Variants in USP44 observed in about 807,000 individuals in gnomAD.
USP44 encodes the protein ubiquitin carboxyl-terminal hydrolase 44.
In USP44, 61 loss-of-function variants were observed where a neutral mutation model predicts 69.0. The observed-to-expected ratio is 0.88, with a 90% confidence interval of 0.72 to 1.09. The LOEUF is 1.09. Among genes scored for constraint, USP44 ranks in the 50% least tolerant of loss-of-function variants. The pLI is 0.00. For synonymous variants in USP44, 297 were observed against 295.4 expected, an observed-to-expected ratio of 1.01 and a Z score of -0.06; for missense variants, 753 against 849.9, an observed-to-expected ratio of 0.89 and a Z score of 1.42.
At position 95,533,139 on chromosome 12, in the gene USP44, TC is replaced by T; in HGVS notation, c.1117del (p.Glu373SerfsTer60). ...GRKMELIQPKEPTSQYISLCH... is the reference protein window; with the variant it reads ...GRKMELIQPKXPTSQYISLCH... Reference sequence around the variant, plus strand: ...AAGAGAAATGTACTGTGAAGTTGGCTCCTTTGGCTGAATAAGTTCCATCTTT... The same window carrying T: ...AAGAGAAATGTACTGTGAAGTTGGCTCTTTGGCTGAATAAGTTCCATCTTT... On this transcript the variant is annotated frameshift_variant, in exon 2 of 6. Transcript: ENST00000258499. LOFTEE classifies it high-confidence loss of function. 1.9e-6 allele frequency: 3 copies of T among 1,614,222 alleles called. No homozygotes were observed. Among genetic ancestry groups the T allele is most frequent in the Non-Finnish European group, 2.5e-6 (3 of 1,180,044 alleles).
rs144639311 is a variant in USP44, at chr12:95,533,958, C to T, written c.299G>A (p.Arg100His). The T allele has an allele frequency of 1.6e-5, 26 of 1,614,114 alleles. No homozygotes were observed. The highest frequency in any genetic ancestry group is 1.7e-4 in the Middle Eastern group (1 of 6,060). The stretch of plus-strand genomic sequence containing the variant: ...TTGACTTTTGATGGCACTTAATGTA[C>T]GTCGTAGTAACTTCAGGTCTCCAGT... ...NTTGDLKLLR[R>H]TLSAIKSQNY... Residue 100 changes from arginine to histidine, a missense_variant, in exon 2 of 6, where the codon CGT (arginine) becomes CAT (histidine). Physicochemically the swap from Arg to His is conservative, Grantham distance 29. Transcript: ENST00000258499.
intron 3 of USP44, among the ~76,000 whole-genome samples, chr12:95,526,592 C>T (rs904425655): frequency 6.6e-6 from 1 of 151,620 alleles, no homozygotes; most frequent in African/African-American, 2.4e-5. Context: ...CAAAAAAAAA[C>T]CTTATAAATT....
intron 1 of USP44, among the ~76,000 whole-genome samples, chr12:95,536,039 C>CTTTTTTTTTTTTTTTTTTT (rs397821709): frequency 1.0e-5 from 1 of 97,530 alleles, no homozygotes; most frequent in Non-Finnish European, 2.1e-5. Context: ...CTTTTTTTTC[C>CTTTTTTTTTTTTTTTTTTT]TTTTTTTTTT....
chr12:95,534,209 A>G lies in USP44; in HGVS notation c.48T>C (p.Ala16=). Reference sequence around the variant, plus strand: ...GAGGGTTGAGGCTGGAATGGTCTTGAGCAAGCTGCAGCTGCCCAACATGTT... The same window carrying G: ...GAGGGTTGAGGCTGGAATGGTCTTGGGCAAGCTGCAGCTGCCCAACATGTT... ...TCKHVGQLQL[A]QDHSSLNPQK... is the part of the protein sequence containing the mutation. The change falls in exon 2 of 6, where the codon GCT becomes GCC. Residue 16 remains alanine, a synonymous_variant. Transcript: ENST00000258499. The G allele has an allele frequency of 6.2e-7, 1 of 1,613,960 alleles. No homozygotes were observed. The highest frequency in any genetic ancestry group is 8.5e-7 in the Non-Finnish European group (1 of 1,179,916).
intron 1 of USP44, among the ~76,000 whole-genome samples, chr12:95,545,230 A>G (rs2077532115): frequency 1.3e-5 from 2 of 152,168 alleles, no homozygotes; most frequent in South Asian, 4.1e-4. Flanking sequence ...TATAAGTACC[A>G]CTGGGCATAA....
rs1197405181 is a variant in USP44 at position 95,518,876 on chromosome 12, T to C, written c.1940-523A>G. Among the ~76,000 whole-genome samples, 3 of 151,978 alleles carry C rather than the reference T, an allele frequency of 2.0e-5. No homozygotes were observed. The East Asian group carries it at 5.8e-4, about 29-fold the overall frequency. On this transcript the variant is annotated intron_variant, in intron 5 of 5. Coordinates refer to ENST00000258499, the MANE Select transcript of USP44 (RefSeq NM_032147.5). ...ATGGCTTGAACCTGGGAGGCAGAGGTTGCAGTGAGCAAGGATGGCGCAGCT... is the reference window on the plus strand; with the variant it reads ...ATGGCTTGAACCTGGGAGGCAGAGGCTGCAGTGAGCAAGGATGGCGCAGCT...
intron 4 of USP44, 111 bp downstream of exon 4, chr12:95,524,565 CATTT>C (rs1389432893): frequency 2.0e-5 from 14 of 698,042 alleles, no homozygotes; most frequent in African/African-American, 1.6e-4. Flanking sequence ...AAAGTTAATT[CATTT>C]GTCAGAAAGG....
intron 1 of USP44, 115 bp from the exon 2 acceptor site, chr12:95,534,441 A>C (rs141034769): frequency 1.7e-5 from 10 of 579,476 alleles, no homozygotes; most frequent in African/African-American, 1.1e-4. Flanking sequence ...GCTTATCATA[A>C]TACCATTGGC....
intron 1 of USP44, among the ~76,000 whole-genome samples, chr12:95,543,491 A>G (rs2077463211): frequency 6.6e-6 from 1 of 151,932 alleles, no homozygotes. Flanking sequence ...TGTCTCTAGA[A>G]AAAAAGAAGA....
intron 3 of USP44, among the ~76,000 whole-genome samples, chr12:95,527,836 C>CTTCTTTTTTTTT (rs1555198851): frequency 1.8e-5 from 1 of 54,836 alleles, no homozygotes. Flanking sequence ...GAGGAAGATG[C>CTTCTTTTTTTTT]TTTTTTTTTT....
In USP44 at chr12:95,539,354, T is replaced by C. The variant is rs370971780; in HGVS notation, c.-70-5028A>G. ...CATTCTCCTGCCTCAGCCTCCTGAG[T>C]AGCTGGGACTACAGGCGCCTGCCAC... is the stretch of plus-strand genomic sequence containing the variant. On this transcript the variant is annotated intron_variant, in intron 1 of 5. Coordinates refer to ENST00000258499, the MANE Select transcript of USP44 (RefSeq NM_032147.5). Among the ~76,000 whole-genome samples, 534 of 151,958 alleles carry C rather than the reference T, an allele frequency of 3.5e-3. 2 individuals carry two copies. The highest frequency in any genetic ancestry group is 0.012 in the African/African-American group (503 of 41,446).
intron 1 of USP44, among the ~76,000 whole-genome samples, chr12:95,545,209 G>A (rs746691609): frequency 6.8e-6 from 1 of 147,958 alleles, no homozygotes; most frequent in Non-Finnish European, 1.5e-5. Flanking sequence ...CTCTATTAAA[G>A]AAAGAAGAAA....
chr12:95,544,860 T>G (rs2077522081), intron 1 of USP44, among the ~76,000 whole-genome samples: 1 of 152,140 alleles, frequency 6.6e-6, no homozygotes, highest in Admixed American at 6.5e-5. Flanking sequence ...TATTTACATT[T>G]TATATGTCTT....
At chr12:95,549,168 G>A (rs1592764208) in intron 1 of USP44, among the ~76,000 whole-genome samples, 1 of 152,336 alleles carries the variant, frequency 6.6e-6, no homozygotes, top group Non-Finnish European at 1.5e-5. Flanking sequence ...TTTACACAAC[G>A]TCGAATTGTT....
chr12:95,528,670 G>A, intron 3 of USP44, 137 bp downstream of exon 3: 1 of 847,996 alleles, frequency 1.2e-6, no homozygotes, highest in Non-Finnish European at 1.7e-6. Context: ...ATTATAAAGT[G>A]AAAACGTCTG....
chr12:95,538,657 A>T (rs1427020425), intron 1 of USP44, among the ~76,000 whole-genome samples: 1 of 152,180 alleles, frequency 6.6e-6, no homozygotes, highest in Non-Finnish European at 1.5e-5. Context: ...TACCCTGTCT[A>T]CTTATGAAAG....
chr12:95,519,438 T>C (rs2076579771), intron 5 of USP44, among the ~76,000 whole-genome samples: 1 of 131,706 alleles, frequency 7.6e-6, no homozygotes, highest in Non-Finnish European at 1.6e-5. Context: ...CTGTATTTTT[T>C]TTTTTTTTTT....
At chr12:95,539,693 T>C (rs1293808428) in intron 1 of USP44, among the ~76,000 whole-genome samples, 1 of 152,208 alleles carries the variant, frequency 6.6e-6, no homozygotes, top group Non-Finnish European at 1.5e-5. Context: ...TTCACACCTA[T>C]GACTGAGCAT....
At chr12:95,529,678 G>A (rs955072387) in intron 2 of USP44, among the ~76,000 whole-genome samples, 1 of 152,010 alleles carries the variant, frequency 6.6e-6, no homozygotes, top group African/African-American at 2.4e-5. Context: ...ACCTCGGCCT[G>A]CCAAAGTGCT....
Sources: allele counts gnomAD v4.1 joint callset (sites outside exome capture counted in the v4.1 genomes callset), GRCh38; gene constraint gnomAD v4.1.1; transcripts MANE v1.5; gene names NCBI Gene and HGNC (gene_info 2026-07-23, HGNC 2026-07-21).